The following MYO9A variants were observed in gnomAD, a reference collection of about 807,000 sequenced individuals.
MYO9A encodes the protein myosin IXA.
A neutral mutation model predicts 293.3 loss-of-function variants in MYO9A; 103 were observed. The observed-to-expected ratio is 0.35, with a 90% CI of 0.30 to 0.41. The LOEUF is 0.41. Among genes scored for constraint, MYO9A ranks in the 10% least tolerant of loss-of-function variants. The pLI is 1.00. For synonymous variants in MYO9A, 1,001 were observed against 1,035.7 expected, an observed-to-expected ratio of 0.97 and a Z score of 0.64; for missense variants, 2,685 against 3,033.0, an observed-to-expected ratio of 0.89 and a Z score of 2.69.
chr15:72,060,807 C>G (rs1385467882), intron 1 of MYO9A, among the ~76,000 whole-genome samples: 1 of 152,170 alleles, frequency 6.6e-6, no homozygotes, highest in Non-Finnish European at 1.5e-5. Context: ...GTTGTGTGCA[C>G]TTGGAATCAG....
intron 8 of MYO9A, among the ~76,000 whole-genome samples, chr15:72,000,813 C>T (rs1567368247): frequency 1.3e-5 from 2 of 152,126 alleles, no homozygotes; most frequent in Non-Finnish European, 2.9e-5. Context: ...TTAAATCAAC[C>T]TTATTCATTT....
chr15:71,925,275 ATATACG>A (rs2058273018), intron 18 of MYO9A, among the ~76,000 whole-genome samples: 2 of 149,530 alleles, frequency 1.3e-5, no homozygotes, highest in Admixed American at 6.6e-5. Context: ...ACATATATAC[ATATACG>A]TATACACGTG....
At chr15:72,059,959 T>C (rs1480744250) in intron 1 of MYO9A, among the ~76,000 whole-genome samples, 1 of 152,208 alleles carries the variant, frequency 6.6e-6, no homozygotes, top group Non-Finnish European at 1.5e-5. Flanking sequence ...TTTCCTTCTT[T>C]TGGAAAAAAC....
rs1258957716 is a variant in MYO9A at position 71,824,256 on chromosome 15, T to C, written c.*2324A>G. The C allele has an allele frequency of 1.3e-5, 2 of 152,178 alleles. No individual in the cohort carries two copies. The highest frequency in any genetic ancestry group is 2.9e-5 in the Non-Finnish European group (2 of 68,034). 9.4% of individuals were successfully genotyped at this position (152,178 alleles called of 1,614,324 possible). A position where few individuals can be genotyped will look rare whatever the true frequency, so the allele number is the denominator to read the frequency against. ...AGTTTCAGGTCCCTGAGAAAAATTATAAAGTCTCTTAACATCCATCACCTA... is the reference window on the plus strand; with the variant it reads ...AGTTTCAGGTCCCTGAGAAAAATTACAAAGTCTCTTAACATCCATCACCTA... On this transcript the variant is annotated 3_prime_UTR_variant, in exon 42 of 42. Coordinates refer to ENST00000356056, the MANE Select transcript of MYO9A (RefSeq NM_006901.4).
chr15:71,838,283 T>C (rs2055017850), intron 39 of MYO9A, among the ~76,000 whole-genome samples: 1 of 152,126 alleles, frequency 6.6e-6, no homozygotes, highest in Non-Finnish European at 1.5e-5. Flanking sequence ...CACTTCCCTT[T>C]TACTTTCCTT....
At chr15:71,891,115 GCTT>G (rs1413733185) in intron 26 of MYO9A, 1 of 152,140 alleles carries the variant, frequency 6.6e-6, no homozygotes, top group Non-Finnish European at 1.5e-5. Context: ...ACAAAGCAAA[GCTT>G]CTTCATGCAG....
intron 1 of MYO9A, among the ~76,000 whole-genome samples, chr15:72,052,457 C>T (rs564486042): frequency 6.6e-6 from 1 of 152,258 alleles, no homozygotes; most frequent in South Asian, 2.1e-4. Context: ...CAGGACCTGC[C>T]GAATGGCAGG....
At chr15:72,041,813 G>A (rs903803662) in intron 2 of MYO9A, among the ~76,000 whole-genome samples, 1 of 150,968 alleles carries the variant, frequency 6.6e-6, no homozygotes, top group African/African-American at 2.4e-5. Flanking sequence ...AAAACTTTAT[G>A]AGAATAAATA....
At chr15:72,116,045 T>A (rs1178255438) in intron 1 of MYO9A, among the ~76,000 whole-genome samples, 1 of 152,188 alleles carries the variant, frequency 6.6e-6, no homozygotes, top group Admixed American at 6.5e-5. Flanking sequence ...ATGTAAAGTA[T>A]GCAACCATTT....
intron 1 of MYO9A, among the ~76,000 whole-genome samples, chr15:72,085,717 G>A (rs1413104604): frequency 6.6e-6 from 1 of 152,240 alleles, no homozygotes; most frequent in African/African-American, 2.4e-5. Context: ...TAAGTTATCA[G>A]GATTCTTACG....
chr15:72,028,217 A>AT (rs56749033), intron 3 of MYO9A, among the ~76,000 whole-genome samples: 7,313 of 49,338 alleles, frequency 0.15, 222 homozygotes, highest in Non-Finnish European at 0.22. Flanking sequence ...ATAAATAAAT[A>AT]AATATATATA....
At position 71,880,517 on chromosome 15, in the gene MYO9A, G is replaced by C. The variant is rs1369376214; in HGVS notation, c.5440C>G (p.Leu1814Val). Reference protein sequence around the residue: ...YHPTPPLSPELPGSCRKEFKE... With the variant: ...YHPTPPLSPEVPGSCRKEFKE... The stretch of plus-strand genomic sequence containing the variant: ...AATTCCTTCCGGCAACTGCCGGGCA[G>C]TTCTGGGCTCAAAGGAGGTGTTGGG... The change falls in exon 29 of 42, where the codon CTG (leucine) becomes GTG (valine). Residue 1814 changes from leucine (L) to valine (V), a missense_variant. This residue lies in a region of MYO9A where 1,434 missense variants were observed against 1,497.7 expected (regional missense o/e 0.96). Transcript: ENST00000356056. 3 of 1,614,076 alleles carry C rather than the reference G, an allele frequency of 1.9e-6. No homozygotes were observed. Among genetic ancestry groups the C allele is most frequent in the Non-Finnish European group, 1.7e-6 (2 of 1,180,002 alleles).
At chr15:71,956,825 C>CTATA (rs374982755) in intron 14 of MYO9A, among the ~76,000 whole-genome samples, 10 of 135,676 alleles carry the variant, frequency 7.4e-5, no homozygotes, top group South Asian at 2.3e-4. Context: ...GCTATATATG[C>CTATA]TATATATATA....
At chr15:71,924,623 T>TA (rs2058243294) in intron 18 of MYO9A, among the ~76,000 whole-genome samples, 1 of 151,870 alleles carries the variant, frequency 6.6e-6, no homozygotes, top group Non-Finnish European at 1.5e-5. Context: ...GTCCATGTGC[T>TA]AATGAAAAAA....
At chr15:71,925,711 T>C (rs1024704276) in intron 18 of MYO9A, among the ~76,000 whole-genome samples, 1 of 152,212 alleles carries the variant, frequency 6.6e-6, no homozygotes, top group Non-Finnish European at 1.5e-5. Context: ...TTAATTTACA[T>C]CTTTTTAAAA....
intron 9 of MYO9A, among the ~76,000 whole-genome samples, chr15:71,998,753 A>G (rs1049266915): frequency 4.0e-5 from 6 of 150,638 alleles, no homozygotes; most frequent in Non-Finnish European, 7.4e-5. Flanking sequence ...AACAGTCCCC[A>G]GAGTGTGATG....
At chr15:72,014,310 A>G (rs2077259107) in intron 6 of MYO9A, among the ~76,000 whole-genome samples, 1 of 152,166 alleles carries the variant, frequency 6.6e-6, no homozygotes, top group Admixed American at 6.5e-5. Flanking sequence ...CTAACCTTCA[A>G]AGTCAATTGT....
At chr15:71,852,896 G>T (rs2055713210) in intron 35 of MYO9A, among the ~76,000 whole-genome samples, 2 of 152,196 alleles carry the variant, frequency 1.3e-5, no homozygotes, top group African/African-American at 4.8e-5. Context: ...CCAGGAGACA[G>T]AAAGCAGCCT....
intron 33 of MYO9A, among the ~76,000 whole-genome samples, chr15:71,862,206 A>C (rs1440583448): frequency 6.6e-6 from 1 of 152,176 alleles, no homozygotes; most frequent in African/African-American, 2.4e-5. Context: ...GAGCTCTCTG[A>C]GAAGGTGAGA....
Sources: allele counts gnomAD v4.1 joint callset (sites outside exome capture counted in the v4.1 genomes callset), GRCh38; gene constraint gnomAD v4.1.1; regional missense constraint gnomAD v4.1.1; transcripts MANE v1.5; gene names NCBI Gene and HGNC (gene_info 2026-07-23, HGNC 2026-07-21).